The following SCML2 variants were observed in gnomAD, a reference collection of about 807,000 sequenced individuals.
SCML2 encodes Scm polycomb group protein like 2.
In SCML2, 6 loss-of-function variants were observed where a neutral mutation model predicts 48.4. The ratio of observed to expected loss-of-function variants is 0.12; its 90% CI spans 0.07 to 0.24. SCML2 has a LOEUF of 0.24. Ranked by LOEUF, SCML2 falls within the 10% of genes least tolerant of loss-of-function variation. SCML2 has a pLI of 1.00. For synonymous variants in SCML2, 181 were observed against 189.5 expected, an observed-to-expected ratio of 0.95 and a Z score of 0.37; for missense variants, 377 against 528.2, an observed-to-expected ratio of 0.71 and a Z score of 2.81.
At chrX:18,241,504 C>T (rs974481428) in intron 14 of SCML2, 125 bp from the exon 15 acceptor site, 19 of 396,588 alleles carry the variant, frequency 4.8e-5, no homozygotes, top group Non-Finnish European at 7.1e-5. Flanking sequence ...GCTTTATTTC[C>T]TGAAAACTAT....
At position 18,280,567 on chromosome X, in the gene SCML2, G is replaced by T. The variant is rs775128372; in HGVS notation, c.731-14765C>A. ...CACTCCACTTAAAAGACACAGAATG[G>T]CAAGCTGAATACAAAGACAAGACCT... On this transcript the variant is annotated intron_variant, in intron 7 of 14. Coordinates refer to ENST00000251900, the MANE Select transcript of SCML2 (RefSeq NM_006089.3). Among the ~76,000 whole-genome samples, 5 of 111,502 alleles carry T rather than the reference G, an allele frequency of 4.5e-5. No homozygotes were observed. In the South Asian group the frequency reaches 1.1e-3, roughly 25 times the overall value.
At chrX:18,343,923 TAAAAAAA>T (rs1203495780) in intron 1 of SCML2, among the ~76,000 whole-genome samples, 8 of 53,351 alleles carry the variant, frequency 1.5e-4, no homozygotes, top group Admixed American at 1.5e-3. Flanking sequence ...TGCCTCTATT[TAAAAAAA>T]AAAAAAAAAA....
chrX:18,285,290 G>A (rs764717292), intron 7 of SCML2, among the ~76,000 whole-genome samples: 3 of 109,384 alleles, frequency 2.7e-5, no homozygotes, highest in East Asian at 2.8e-4. Context: ...TAGCAAAGAC[G>A]TGGAATCAAT....
intron 7 of SCML2, among the ~76,000 whole-genome samples, chrX:18,278,768 C>A (rs1927729724): frequency 8.9e-6 from 1 of 112,901 alleles, no homozygotes; most frequent in African/African-American, 3.2e-5. Flanking sequence ...CACATCAGAT[C>A]CCCCAGCACA....
upstream of SCML2, chrX:18,354,691 G>C: frequency 3.6e-6 from 1 of 276,115 alleles, no homozygotes; most frequent in Non-Finnish European, 6.4e-6. Context: ...GAAGCCGCGC[G>C]CGGAGCCGCG....
rs773920074 is a variant in SCML2, at chrX:18,246,802, C to T, written c.1597G>A (p.Ala533Thr). 8.3e-7 allele frequency: 1 copy of T among 1,203,838 alleles called. No homozygotes were observed. The highest frequency in any genetic ancestry group is 1.8e-5 in the South Asian group (1 of 55,473). Residue 533 changes from alanine to threonine, a missense_variant, in exon 13 of 15, where the codon GCC becomes ACC. Coordinates refer to ENST00000251900, the MANE Select transcript of SCML2 (RefSeq NM_006089.3). Reference sequence around the variant, plus strand: ...GAAAGATTCTCCTCTTTGGGAATGGCACTTCCCCCAGCAAACAATGGTTCT... The same window carrying T: ...GAAAGATTCTCCTCTTTGGGAATGGTACTTCCCCCAGCAAACAATGGTTCT... Reference protein sequence around the residue: ...EGEPLFAGGSAIPKEENLSED... With the variant: ...EGEPLFAGGSTIPKEENLSED...
At chrX:18,248,865 G>C (rs1189791892) in intron 11 of SCML2, among the ~76,000 whole-genome samples, 1 of 111,865 alleles carries the variant, frequency 8.9e-6, no homozygotes, top group African/African-American at 3.2e-5. Context: ...GGCAAGATTA[G>C]AAAAAGTCTT....
chrX:18,320,213 C>CT (rs1235823715), intron 6 of SCML2, 119 bp downstream of exon 6: 1 of 431,351 alleles, frequency 2.3e-6, no homozygotes, highest in Non-Finnish European at 3.9e-6. Context: ...AACTAATACA[C>CT]TTGCCAATCC....
intron 7 of SCML2, among the ~76,000 whole-genome samples, chrX:18,294,705 C>T (rs1201306105): frequency 9.1e-6 from 1 of 110,476 alleles, no homozygotes; most frequent in African/African-American, 3.3e-5. Flanking sequence ...TTAGACCCAG[C>T]GAAGTGGCAA....
Position 18,354,661 on chromosome X carries a change from A to C in SCML2, c.-94T>G, listed in dbSNP as rs1330426531. The C allele has an allele frequency of 1.1e-5, 3 of 283,726 alleles. No homozygotes were observed. The highest frequency in any genetic ancestry group is 6.3e-5 in the Admixed American group (1 of 15,931). 23.4% of individuals were successfully genotyped at this position (283,726 alleles called of 1,213,427 possible). A position where few individuals can be genotyped will look rare whatever the true frequency, so the allele number is the denominator to read the frequency against. ...CGCGCGAGCCGGCACCGAGCTTCAC[A>C]CCGCCGCCGCCATGTTTGAGAAGCC... is the stretch of plus-strand genomic sequence containing the variant. On this transcript the variant is annotated 5_prime_UTR_variant, in exon 1 of 15. Transcript: ENST00000251900.
In SCML2 at chrX:18,242,430, A is replaced by G. The variant is rs1480403120; in HGVS notation, c.1974+9T>C. 4 of 1,183,465 alleles carry G rather than the reference A, an allele frequency of 3.4e-6. No homozygotes were observed. Among genetic ancestry groups the G allele is most frequent in the Non-Finnish European group, 4.5e-6 (4 of 886,206 alleles). ...TACGGCAGGAAAACCGGATCAAAAG[A>G]TACATTACATGTTGCCTGAAGAGGT... On this transcript the variant is annotated intron_variant, in intron 14 of 14. Transcript: ENST00000251900.
chrX:18,349,769 C>G (rs1220456807), intron 1 of SCML2, among the ~76,000 whole-genome samples: 3 of 111,785 alleles, frequency 2.7e-5, no homozygotes, highest in African/African-American at 9.8e-5. Flanking sequence ...TGCACTACAG[C>G]CTGGGCAACA....
chrX:18,327,931 G>A (rs1480945305), intron 3 of SCML2, among the ~76,000 whole-genome samples: 2 of 111,660 alleles, frequency 1.8e-5, no homozygotes, highest in African/African-American at 6.5e-5. Context: ...AAAATAGTCA[G>A]AAAGTCTTAG....
At chrX:18,339,973 T>C (rs1929960801) in intron 1 of SCML2, among the ~76,000 whole-genome samples, 1 of 112,113 alleles carries the variant, frequency 8.9e-6, no homozygotes, top group South Asian at 3.7e-4. Flanking sequence ...TGTAAACCCA[T>C]ATACAACATA....
chrX:18,260,258 C>T lies in SCML2; in HGVS notation c.982G>A (p.Ala328Thr). 8.3e-7 allele frequency: 1 copy of T among 1,204,653 alleles called. No homozygotes were observed. The highest frequency in any genetic ancestry group is 1.1e-6 in the Non-Finnish European group (1 of 891,268). Residue 328 changes from alanine (A) to threonine (T), a missense_variant, in exon 9 of 15, where the codon GCA (alanine) becomes ACA (threonine). Around this residue, in one of 3 missense-constraint regions of SCML2, gnomAD observed 299 missense variants for 425.5 expected, o/e 0.70. Coordinates refer to ENST00000251900, the MANE Select transcript of SCML2 (RefSeq NM_006089.3). ...KPLPVICSTS[A>T]ASLKSLTRDR... ...CTGGTCAGCGATTTTAGAGAAGCTG[C>T]AGATGTAGAACATATCACGGGCAAA...
chrX:18,320,280 A>G, intron 6 of SCML2, 52 bp downstream of exon 6: 1 of 719,197 alleles, frequency 1.4e-6, no homozygotes. Context: ...GCATTTAAGC[A>G]TTCCCACTAA....
intron 1 of SCML2, among the ~76,000 whole-genome samples, chrX:18,340,846 G>A (rs1050526836): frequency 9.3e-6 from 1 of 107,883 alleles, no homozygotes; most frequent in African/African-American, 3.3e-5. Flanking sequence ...TAAATAAAAT[G>A]TGATAAACAA....
At chrX:18,258,635 C>T (rs1157204745) in intron 9 of SCML2, among the ~76,000 whole-genome samples, 1 of 111,122 alleles carries the variant, frequency 9.0e-6, no homozygotes, top group Non-Finnish European at 1.9e-5. Flanking sequence ...AATTTCCTTT[C>T]AAAACGGGTC....
At chrX:18,318,787 G>A (rs1456826858) in intron 6 of SCML2, among the ~76,000 whole-genome samples, 1 of 111,807 alleles carries the variant, frequency 8.9e-6, no homozygotes, top group Non-Finnish European at 1.9e-5. Flanking sequence ...TCAAGAAAGA[G>A]GCTGCTAATG....
Sources: gnomAD v4.1 joint callset for allele counts (sites outside exome capture counted in the v4.1 genomes callset) on GRCh38, gnomAD v4.1.1 for gene constraint, gnomAD v4.1.1 regional missense constraint, MANE v1.5 for transcripts, NCBI Gene and HGNC (gene_info 2026-07-23, HGNC 2026-07-21) for gene names.